N4BP2: variants seen among roughly 807,000 people sequenced by gnomAD.
N4BP2 encodes the protein NEDD4 binding protein 2.
A neutral mutation model predicts 152.8 loss-of-function variants in N4BP2; 91 were observed. That is an observed-to-expected ratio of 0.60 (90% CI 0.50 to 0.71). N4BP2 has a LOEUF of 0.71. N4BP2 is among the 30% of genes least tolerant of loss of function. The probability of loss-of-function intolerance (pLI) is 0.00; values close to 1 mark genes in which losing one functional copy is unlikely to be tolerated. For missense variants in N4BP2, 1,923 were observed against 2,059.1 expected, an observed-to-expected ratio of 0.93 and a Z score of 1.28; for synonymous variants, 646 against 705.3, an observed-to-expected ratio of 0.92 and a Z score of 1.33.
intron 1 of N4BP2, among the ~76,000 whole-genome samples, chr4:40,060,698 G>T (rs1362126599): frequency 2.0e-5 from 3 of 151,402 alleles, no homozygotes; most frequent in Non-Finnish European, 4.4e-5. Context: ...GAATTCTTGG[G>T]CTCAAGGGAT....
intron 12 of N4BP2, among the ~76,000 whole-genome samples, chr4:40,129,051 TTTTTC>T (rs928557517): frequency 5.3e-5 from 8 of 152,068 alleles, no homozygotes; most frequent in African/African-American, 1.9e-4. Context: ...CTTGTTTTTC[TTTTTC>T]TTTTCTTTTT....
chr4:40,184,647 A>T, the N4BP2 span, among the ~76,000 whole-genome samples: 4 of 151,970 alleles, frequency 2.6e-5, no homozygotes, highest in African/African-American at 9.7e-5. Flanking sequence ...GACGTGAAAA[A>T]TTTTTTTCAT....
chr4:40,167,989 T>G, the N4BP2 span, among the ~76,000 whole-genome samples: 1 of 151,740 alleles, frequency 6.6e-6, no homozygotes, highest in Admixed American at 6.6e-5. Flanking sequence ...AGTAACTTGG[T>G]GGGGAAATAG....
At chr4:40,142,885 A>AT (rs1349064357) in intron 15 of N4BP2, 24 bp downstream of exon 15, 2 of 1,602,326 alleles carry the variant, frequency 1.2e-6, no homozygotes, top group Non-Finnish European at 1.7e-6. Flanking sequence ...CTGATTATAT[A>AT]TTTTTTGTCA....
chr4:40,076,958 T>G (rs12512309), intron 2 of N4BP2, among the ~76,000 whole-genome samples: 7 of 152,302 alleles, frequency 4.6e-5, no homozygotes, highest in Admixed American at 3.9e-4. Context: ...AGTTGTTTGC[T>G]GATCGTGTTT....
chr4:40,189,097 G>T, the N4BP2 span, among the ~76,000 whole-genome samples: 1 of 152,124 alleles, frequency 6.6e-6, no homozygotes, highest in Non-Finnish European at 1.5e-5. The surrounding 1 kb of genome is among the most constrained non-coding windows in gnomAD (Gnocchi z 4.3). Context: ...AGTGAGCCAC[G>T]ATTGCGCCAC....
At chr4:40,068,516 T>G (rs1327982291) in intron 1 of N4BP2, among the ~76,000 whole-genome samples, 1 of 152,206 alleles carries the variant, frequency 6.6e-6, no homozygotes, top group African/African-American at 2.4e-5. Context: ...GATTCTAGCT[T>G]CATTCTTTTG....
In N4BP2 at chr4:40,106,715, AT is replaced by A. The variant is rs1716332429; in HGVS notation, c.1374-180del. ...AGGCGCATGCCACCGTACCTGGCTA[AT>A]TTTTGTATGTTTAGTAGAGATGGGA... On this transcript the variant is annotated intron_variant, in intron 4 of 17. Transcript: ENST00000261435. 1.3e-5 allele frequency among the ~76,000 whole-genome samples: 2 copies of A among 152,044 alleles called. 1 individual carries two copies. Among genetic ancestry groups the A allele is most frequent in the African/African-American group, 4.8e-5 (2 of 41,378 alleles).
chr4:40,120,184 A>G lies in N4BP2; in HGVS notation c.2073A>G (p.Lys691=), dbSNP rs1176358107. 3 of 1,613,644 alleles carry G rather than the reference A, an allele frequency of 1.9e-6. No individual in the cohort carries two copies. The highest frequency in any genetic ancestry group is 1.7e-6 in the Non-Finnish European group (2 of 1,179,936). ...TGTATTTTTCTGACTCTGAAAGCAA[A>G]CTACAGGCAACAGACAAAAGTGAAA... ...PHMYFSDSES[K]LQATDKSENE... The change falls in exon 9 of 18, where the codon AAA becomes AAG. Residue 691 remains lysine (K), a synonymous_variant. Transcript: ENST00000261435.
downstream of N4BP2, among the ~76,000 whole-genome samples, chr4:40,161,828 G>A (rs1721868814): frequency 1.3e-5 from 2 of 152,214 alleles, no homozygotes; most frequent in Admixed American, 6.5e-5. Context: ...AGCTGGAGAA[G>A]TGGATTCTAG....
At chr4:40,058,053 AG>A (rs1733364528) in intron 1 of N4BP2, among the ~76,000 whole-genome samples, 2 of 152,222 alleles carry the variant, frequency 1.3e-5, no homozygotes, top group African/African-American at 4.8e-5. Flanking sequence ...AACTCAGTAA[AG>A]GTGGCCATTG....
chr4:40,175,912 A>G, the N4BP2 span, among the ~76,000 whole-genome samples: 1 of 150,992 alleles, frequency 6.6e-6, no homozygotes, highest in African/African-American at 2.4e-5. Context: ...AACACGGTGA[A>G]ACCCCGTCTC....
chr4:40,183,691 T>C, the N4BP2 span, among the ~76,000 whole-genome samples: 1 of 152,236 alleles, frequency 6.6e-6, no homozygotes, highest in South Asian at 2.1e-4. Flanking sequence ...CTTTTTGTTA[T>C]TTGTTACTAT....
the N4BP2 span, among the ~76,000 whole-genome samples, chr4:40,179,761 T>G: frequency 1.1e-5 from 1 of 94,102 alleles, no homozygotes; most frequent in African/African-American, 4.8e-5. Flanking sequence ...AAGCCTTTCT[T>G]TTTTTTTTTT....
the N4BP2 span, among the ~76,000 whole-genome samples, chr4:40,163,850 T>C: frequency 6.6e-6 from 1 of 152,216 alleles, no homozygotes; most frequent in African/African-American, 2.4e-5. Context: ...ATACCCCTTT[T>C]TACAGACTAG....
intron 5 of N4BP2, among the ~76,000 whole-genome samples, chr4:40,109,337 A>G (rs1241944686): frequency 6.6e-6 from 1 of 152,290 alleles, no homozygotes; most frequent in East Asian, 1.9e-4. Flanking sequence ...ATTTACTTAT[A>G]CTTTCCAAGG....
chr4:40,080,456 C>T (rs1315604173), intron 2 of N4BP2, among the ~76,000 whole-genome samples: 5 of 151,482 alleles, frequency 3.3e-5, no homozygotes, highest in Admixed American at 1.3e-4. Context: ...CAAGCAATTC[C>T]CCTGCCTCTG....
chr4:40,060,007 CTTT>C (rs1317909007), intron 1 of N4BP2, among the ~76,000 whole-genome samples: 1 of 146,084 alleles, frequency 6.8e-6, no homozygotes, highest in Non-Finnish European at 1.5e-5. Context: ...TTTTTTTTTT[CTTT>C]TTTTAAAGAG....
the N4BP2 span, among the ~76,000 whole-genome samples, chr4:40,187,940 T>TA: frequency 6.6e-6 from 1 of 152,166 alleles, no homozygotes; most frequent in Non-Finnish European, 1.5e-5. Flanking sequence ...ACAGGCATCT[T>TA]AGGAATAAAA....
Sources: gnomAD v4.1 joint callset for allele counts (sites outside exome capture counted in the v4.1 genomes callset) on GRCh38, gnomAD v4.1.1 for gene constraint, Gnocchi (gnomAD v3.1) non-coding constraint, MANE v1.5 for transcripts, NCBI Gene and HGNC (gene_info 2026-07-23, HGNC 2026-07-21) for gene names.